Variants in IQGAP2 observed in about 807,000 individuals in gnomAD.
IQGAP2 encodes IQ motif containing GTPase activating protein 2, also known as ras GTPase-activating-like protein IQGAP2.
Under a neutral mutation model 201.3 loss-of-function variants are expected in IQGAP2, and 173 were observed. That is an observed-to-expected ratio of 0.86 (90% CI 0.76 to 0.98). The LOEUF (loss-of-function observed/expected upper bound fraction) is 0.98. Among genes scored for constraint, IQGAP2 ranks in the 50% least tolerant of loss-of-function variants. The pLI, the probability that IQGAP2 is intolerant of heterozygous loss-of-function variation, is 0.00. For missense variants in IQGAP2, 1,687 were observed against 1,864.8 expected (o/e 0.90, Z 1.76); for synonymous variants, 675 against 673.9 (o/e 1.00, Z -0.03).
At chr5:76,471,246 T>C (rs1425467791) in intron 2 of IQGAP2, among the ~76,000 whole-genome samples, 1 of 152,070 alleles carries the variant, frequency 6.6e-6, no homozygotes, top group Non-Finnish European at 1.5e-5. Flanking sequence ...GGGACTGCTA[T>C]TGTGTCTCCC....
At chr5:76,552,433 T>C (rs1743624345) in intron 2 of IQGAP2, among the ~76,000 whole-genome samples, 1 of 152,212 alleles carries the variant, frequency 6.6e-6, no homozygotes, top group Non-Finnish European at 1.5e-5. Context: ...TTGTTTAGCC[T>C]AACAATTTTT....
At chr5:76,621,575 G>A (rs1435161092) in intron 13 of IQGAP2, among the ~76,000 whole-genome samples, 1 of 152,182 alleles carries the variant, frequency 6.6e-6, no homozygotes, top group African/African-American at 2.4e-5. Context: ...TTAAAAAGCT[G>A]TTAAAACCAA....
chr5:76,642,217 TC>T (rs759073081), intron 17 of IQGAP2, among the ~76,000 whole-genome samples: 2 of 152,076 alleles, frequency 1.3e-5, no homozygotes, highest in Non-Finnish European at 2.9e-5. Flanking sequence ...ATTTCACGTG[TC>T]AGCCAATATA....
intron 2 of IQGAP2, among the ~76,000 whole-genome samples, chr5:76,523,545 A>C (rs1046762194): frequency 5.3e-5 from 8 of 152,358 alleles, no homozygotes; most frequent in South Asian, 2.1e-4. Flanking sequence ...GGCAAGGCAC[A>C]GCTGAATAAG....
intron 23 of IQGAP2, among the ~76,000 whole-genome samples, chr5:76,669,805 C>G (rs796257750): frequency 2.6e-5 from 4 of 152,230 alleles, no homozygotes; most frequent in African/African-American, 9.6e-5. Context: ...AGTAAAGGCC[C>G]AGCTGTTAAG....
intron 5 of IQGAP2, among the ~76,000 whole-genome samples, chr5:76,576,506 A>G (rs1014737070): frequency 3.9e-5 from 6 of 152,196 alleles, no homozygotes; most frequent in African/African-American, 1.4e-4. Context: ...GGAAGACTTC[A>G]TGTCTGATTA....
chr5:76,562,641 C>A, intron 3 of IQGAP2, 89 bp downstream of exon 3: 1 of 1,215,778 alleles, frequency 8.2e-7, no homozygotes, highest in Non-Finnish European at 1.2e-6. Context: ...CTTAGTGTTT[C>A]TGTAAGGATT....
intron 1 of IQGAP2, among the ~76,000 whole-genome samples, chr5:76,411,226 G>T (rs1751099693): frequency 6.6e-6 from 1 of 152,212 alleles, no homozygotes; most frequent in Non-Finnish European, 1.5e-5. Context: ...CACAGTGCTT[G>T]CAGGTTTTTG....
At chr5:76,558,806 TGCAGTCACACCACCACTATGTG>T (rs533989015) in intron 2 of IQGAP2, among the ~76,000 whole-genome samples, 25 of 152,320 alleles carry the variant, frequency 1.6e-4, no homozygotes, top group African/African-American at 5.8e-4. Context: ...GGTACTTGCT[TGCAGTCACACCACCACTATGTG>T]GCTGACTCCT....
chr5:76,557,623 A>G (rs1039233417), intron 2 of IQGAP2, among the ~76,000 whole-genome samples: 5 of 152,240 alleles, frequency 3.3e-5, no homozygotes, highest in Non-Finnish European at 5.9e-5. Flanking sequence ...AGAATCTTTC[A>G]TAACCATATG....
At chr5:76,599,778 T>A (rs191773096) in intron 10 of IQGAP2, among the ~76,000 whole-genome samples, 76 of 152,324 alleles carry the variant, frequency 5.0e-4, no homozygotes, top group Non-Finnish European at 8.4e-4. Context: ...ATATCCTAAA[T>A]GTAAAATATG....
chr5:76,530,178 A>G lies in IQGAP2; in HGVS notation c.147-32218A>G, dbSNP rs145502395. On this transcript the variant is annotated intron_variant, in intron 2 of 35. Coordinates refer to ENST00000274364, the MANE Select transcript of IQGAP2 (RefSeq NM_006633.5). ...TGCAGCAGAGTTTGAATAAAACTTT[A>G]TAGAAAATGAAGTTTGATTTTCATG... Among the ~76,000 whole-genome samples, 363 of 152,324 alleles carry G rather than the reference A, an allele frequency of 2.4e-3. 3 individuals carry two copies. Among genetic ancestry groups the G allele is most frequent in the African/African-American group, 8.3e-3 (346 of 41,558 alleles).
At chr5:76,567,019 G>T (rs1744798209) in intron 3 of IQGAP2, among the ~76,000 whole-genome samples, 1 of 152,144 alleles carries the variant, frequency 6.6e-6, no homozygotes, top group South Asian at 2.1e-4. Context: ...GTTCAAAGAT[G>T]AATAGTACTC....
At chr5:76,465,008 G>A (rs1041578912) in intron 2 of IQGAP2, among the ~76,000 whole-genome samples, 1 of 152,134 alleles carries the variant, frequency 6.6e-6, no homozygotes, top group African/African-American at 2.4e-5. Context: ...GAAGAATTAA[G>A]AGCAGTCCTT....
chr5:76,640,184 T>G (rs370294430), intron 16 of IQGAP2, among the ~76,000 whole-genome samples: 3 of 152,200 alleles, frequency 2.0e-5, no homozygotes, highest in African/African-American at 7.2e-5. Context: ...TAAAGATATG[T>G]ATGCATCTTT....
chr5:76,674,094 C>A, intron 26 of IQGAP2, 58 bp downstream of exon 26: 1 of 937,382 alleles, frequency 1.1e-6, no homozygotes, highest in Admixed American at 1.8e-5. Flanking sequence ...ATCAAAATTA[C>A]CAACATATAA....
At chr5:76,556,930 G>A (rs1743992943) in intron 2 of IQGAP2, among the ~76,000 whole-genome samples, 1 of 152,164 alleles carries the variant, frequency 6.6e-6, no homozygotes, top group African/African-American at 2.4e-5. Context: ...GGGAAACCTG[G>A]ACCATTTACC....
At chr5:76,706,985 C>A (rs1409336951) in intron 35 of IQGAP2, among the ~76,000 whole-genome samples, 5 of 152,190 alleles carry the variant, frequency 3.3e-5, no homozygotes, top group African/African-American at 9.6e-5. Flanking sequence ...TGGCCTGGTG[C>A]CATGGCATGC....
chr5:76,610,050 TTCTC>T (rs71604297), intron 12 of IQGAP2, among the ~76,000 whole-genome samples: 22 of 19,064 alleles, frequency 1.2e-3, no homozygotes, highest in African/African-American at 6.7e-3. Flanking sequence ...TGTTCTCTCT[TTCTC>T]TCTCTCTCTC....
Sources: gnomAD v4.1 joint callset for allele counts (sites outside exome capture counted in the v4.1 genomes callset) on GRCh38, gnomAD v4.1.1 for gene constraint, MANE v1.5 for transcripts, NCBI Gene and HGNC (gene_info 2026-07-23, HGNC 2026-07-21) for gene names.